The following SMYD3 variants were observed in gnomAD, a reference collection of about 807,000 sequenced individuals.
The protein encoded by SMYD3 is SET and MYND domain containing 3, also known as histone-lysine N-methyltransferase SMYD3.
Under a neutral mutation model 57.7 loss-of-function variants are expected in SMYD3, and 36 were observed. The observed-to-expected ratio is 0.62, with a 90% confidence interval of 0.48 to 0.82. The LOEUF is 0.82. Among genes scored for constraint, SMYD3 ranks in the 40% least tolerant of loss-of-function variants. The probability of loss-of-function intolerance (pLI) is 0.00; values close to 1 mark genes in which losing one functional copy is unlikely to be tolerated. For synonymous variants in SMYD3, 211 were observed against 195.0 expected, an observed-to-expected ratio of 1.08 and a Z score of -0.68; for missense variants, 515 against 538.8, an observed-to-expected ratio of 0.96 and a Z score of 0.44.
intron 5 of SMYD3, among the ~76,000 whole-genome samples, chr1:246,047,720 T>C (rs1256279937): frequency 6.6e-6 from 1 of 151,880 alleles, no homozygotes; most frequent in Admixed American, 6.6e-5. Flanking sequence ...GTGCCTATAA[T>C]CCTAACTACT....
intron 8 of SMYD3, among the ~76,000 whole-genome samples, chr1:245,880,779 C>G (rs10924375): frequency 2.0e-5 from 3 of 152,148 alleles, no homozygotes; most frequent in Admixed American, 2.0e-4. Context: ...GTAGGTGGGA[C>G]AAGAAACCTA....
intron 5 of SMYD3, among the ~76,000 whole-genome samples, chr1:246,215,410 A>G (rs2063149757): frequency 1.3e-5 from 2 of 152,030 alleles, no homozygotes; most frequent in African/African-American, 4.8e-5. Context: ...GAGTCAGCAC[A>G]CCCATATTTC....
At position 246,193,483 on chromosome 1, in the gene SMYD3, C is replaced by T. The variant is rs368723656; in HGVS notation, c.531+133718G>A. 2.6e-4 allele frequency among the ~76,000 whole-genome samples: 40 copies of T among 152,290 alleles called. No individual in the cohort carries two copies. In the East Asian group the frequency reaches 5.0e-3, roughly 19 times the overall value. ...AATAAAACTCTAGACTAAGTCCCTA[C>T]GACAAAAGAGGCAGCCCCAGCAGTG... On this transcript the variant is annotated intron_variant, in intron 5 of 11. Coordinates refer to ENST00000490107, the MANE Select transcript of SMYD3 (RefSeq NM_001167740.2).
At chr1:245,840,750 T>TA (rs199831788) in intron 10 of SMYD3, among the ~76,000 whole-genome samples, 15,741 of 143,054 alleles carry the variant, frequency 0.11, 1,131 homozygotes, top group East Asian at 0.27. Flanking sequence ...CAGACATGGT[T>TA]AAAAAAAAAA....
intron 5 of SMYD3, among the ~76,000 whole-genome samples, chr1:246,292,823 G>A (rs925683158): frequency 3.9e-5 from 6 of 152,126 alleles, no homozygotes; most frequent in Admixed American, 2.6e-4. Flanking sequence ...CAAACAACAG[G>A]AAGCTTAGGC....
chr1:246,053,670 G>C (rs76956591), intron 5 of SMYD3, among the ~76,000 whole-genome samples: 4,103 of 152,126 alleles, frequency 0.027, 87 homozygotes, highest in South Asian at 0.042. Flanking sequence ...ATGGATTATA[G>C]TTGGGCATGG....
At chr1:246,461,733 CAAAAAA>C (rs34973427) in intron 1 of SMYD3, among the ~76,000 whole-genome samples, 1 of 122,864 alleles carries the variant, frequency 8.1e-6, no homozygotes, top group East Asian at 2.3e-4. Context: ...GACTCTGTCT[CAAAAAA>C]AAAAAAAAAA....
chr1:246,392,952 C>T (rs191926566), intron 1 of SMYD3, among the ~76,000 whole-genome samples: 101 of 152,162 alleles, frequency 6.6e-4, no homozygotes, highest in South Asian at 2.1e-3. Flanking sequence ...ACTTCAAACA[C>T]ACTAGAAGGC....
intron 2 of SMYD3, among the ~76,000 whole-genome samples, chr1:246,336,835 T>C (rs1429224894): frequency 6.6e-6 from 1 of 152,226 alleles, no homozygotes; most frequent in African/African-American, 2.4e-5. Flanking sequence ...AATTTCTGCA[T>C]TACATTTGAG....
At chr1:246,220,998 TGGGACGACCAGCTGCAGAGA>T in intron 5 of SMYD3, among the ~76,000 whole-genome samples, 1 of 151,906 alleles carries the variant, frequency 6.6e-6, no homozygotes, top group South Asian at 2.1e-4. Flanking sequence ...AGACAGATGA[TGGGACGACCAGCTGCAGAGA>T]GGAGCTACCC....
chr1:246,226,913 T>C (rs1159037981), intron 5 of SMYD3, among the ~76,000 whole-genome samples: 1 of 152,204 alleles, frequency 6.6e-6, no homozygotes, highest in Non-Finnish European at 1.5e-5. Flanking sequence ...AATCATCTAG[T>C]TCATCTTCCT....
intron 5 of SMYD3, among the ~76,000 whole-genome samples, chr1:245,974,345 C>A (rs1467469004): frequency 6.6e-6 from 1 of 152,166 alleles, no homozygotes; most frequent in Non-Finnish European, 1.5e-5. Context: ...ATAAAACCTT[C>A]CCCCATTTCT....
chr1:246,084,195 CT>C (rs772938424), intron 5 of SMYD3, among the ~76,000 whole-genome samples: 3,662 of 135,378 alleles, frequency 0.027, 107 homozygotes, highest in East Asian at 0.19. Context: ...CTGACAATTC[CT>C]TTTTTTTTTT....
chr1:246,090,217 T>C (rs1300977507), intron 5 of SMYD3, among the ~76,000 whole-genome samples: 1 of 152,198 alleles, frequency 6.6e-6, no homozygotes, highest in Non-Finnish European at 1.5e-5. Flanking sequence ...CAAAGGTATA[T>C]ATGAATGGCC....
chr1:246,061,857 G>T (rs1005724434), intron 5 of SMYD3, among the ~76,000 whole-genome samples: 2 of 152,168 alleles, frequency 1.3e-5, no homozygotes, highest in Admixed American at 6.5e-5. Flanking sequence ...CTATTACAAA[G>T]ACGTGCATTG....
chr1:246,288,062 C>CTTTTT lies in SMYD3; in HGVS notation c.531+39134_531+39138dup, dbSNP rs67603439. On this transcript the variant is annotated intron_variant, in intron 5 of 11. Coordinates refer to ENST00000490107, the MANE Select transcript of SMYD3 (RefSeq NM_001167740.2). ...GTTTTTGAAATGCCATCAGGTAATT[C>CTTTTT]TTTTTTTTTTTTTTTTTTTTTTTTT... 8.3e-3 allele frequency among the ~76,000 whole-genome samples: 532 copies of CTTTTT among 64,212 alleles called. 59 individuals carry two copies. The highest frequency in any genetic ancestry group is 0.019 in the East Asian group (46 of 2,404). 42.1% of individuals were successfully genotyped at this position (64,212 alleles called of 152,430 possible). A position where few individuals can be genotyped will look rare whatever the true frequency, so the allele number is the denominator to read the frequency against.
chr1:245,956,137 C>G (rs2057833608), intron 5 of SMYD3: 31 of 866,956 alleles, frequency 3.6e-5, no homozygotes, highest in Non-Finnish European at 4.3e-5. Flanking sequence ...AGGCTGGTCT[C>G]AAACTCCTGG....
At chr1:246,000,807 C>T (rs2059026094) in intron 5 of SMYD3, among the ~76,000 whole-genome samples, 1 of 152,194 alleles carries the variant, frequency 6.6e-6, no homozygotes, top group African/African-American at 2.4e-5. Flanking sequence ...TGCTGGAAGA[C>T]AGAGAACGTA....
At chr1:246,246,698 C>T (rs6683238) in intron 5 of SMYD3, among the ~76,000 whole-genome samples, 31,451 of 151,348 alleles carry the variant, frequency 0.21, 3,979 homozygotes, top group East Asian at 0.58. Context: ...CTAAAATGGC[C>T]CTATGAAGTT....
Sources: gnomAD v4.1 joint callset for allele counts (sites outside exome capture counted in the v4.1 genomes callset) on GRCh38, gnomAD v4.1.1 for gene constraint, MANE v1.5 for transcripts, NCBI Gene and HGNC (gene_info 2026-07-23, HGNC 2026-07-21) for gene names.